The following SLC13A1 variants were observed in gnomAD, a reference collection of about 807,000 sequenced individuals.
SLC13A1 encodes Na(+)/sulfate cotransporter.
Under a neutral mutation model 70.0 loss-of-function variants are expected in SLC13A1, and 65 were observed. The ratio of observed to expected loss-of-function variants is 0.93; its 90% CI spans 0.76 to 1.14. The LOEUF (loss-of-function observed/expected upper bound fraction) is 1.14. Ranked by LOEUF, SLC13A1 falls within the 50% of genes most tolerant of loss-of-function variation. The pLI is 0.00. For synonymous variants in SLC13A1, 275 were observed against 250.5 expected (o/e 1.10, Z -0.92); for missense variants, 726 against 717.8 (o/e 1.01, Z -0.13).
At chr7:123,126,069 C>A (rs80094166) in intron 10 of SLC13A1, among the ~76,000 whole-genome samples, 2,817 of 152,090 alleles carry the variant, frequency 0.019, 46 homozygotes, top group Non-Finnish European at 0.031. Flanking sequence ...CATGGAAAGC[C>A]CCATATAATT....
At chr7:123,153,014 A>C (rs966624229) in intron 6 of SLC13A1, among the ~76,000 whole-genome samples, 6 of 152,112 alleles carry the variant, frequency 3.9e-5, no homozygotes, top group Admixed American at 2.0e-4. Flanking sequence ...ATGGAAACTT[A>C]AAATATGCAA....
chr7:123,195,873 C>A, intron 1 of SLC13A1, among the ~76,000 whole-genome samples: 1 of 152,048 alleles, frequency 6.6e-6, no homozygotes, highest in East Asian at 1.9e-4. Flanking sequence ...AATAAGTAAG[C>A]TAGATAGAAT....
At chr7:123,161,053 A>G (rs997673281) in intron 6 of SLC13A1, among the ~76,000 whole-genome samples, 4 of 151,810 alleles carry the variant, frequency 2.6e-5, no homozygotes, top group African/African-American at 7.2e-5. Context: ...GTAATAAAGA[A>G]AACTATTAAA....
chr7:123,175,442 G>A (rs757409733), intron 2 of SLC13A1, among the ~76,000 whole-genome samples: 2 of 152,210 alleles, frequency 1.3e-5, no homozygotes, highest in Non-Finnish European at 2.9e-5. Flanking sequence ...TGGTCTAAAC[G>A]TTGGTGTCCC....
chr7:123,170,622 T>TTTTTTTTG (rs143459546), intron 3 of SLC13A1, among the ~76,000 whole-genome samples: 2,331 of 150,958 alleles, frequency 0.015, 18 homozygotes, highest in Non-Finnish European at 0.024. Context: ...TTTTGGTTTT[T>TTTTTTTTG]TTTGTTTGTT....
chr7:123,177,072 G>A (rs1585384198), intron 2 of SLC13A1, among the ~76,000 whole-genome samples: 1 of 152,020 alleles, frequency 6.6e-6, no homozygotes, highest in Non-Finnish European at 1.5e-5. Flanking sequence ...ATGTCTAATA[G>A]GTATTTCAAA....
rs1793138961 is a variant in SLC13A1 at position 123,115,230 on chromosome 7, G to T, written c.*288C>A. Reference sequence around the variant, plus strand: ...AACAAATGCTCTAATCTCTTTGAAGGTCAAGTTATAAATTATTCTTATGAT... The same window carrying T: ...AACAAATGCTCTAATCTCTTTGAAGTTCAAGTTATAAATTATTCTTATGAT... On this transcript the variant is annotated 3_prime_UTR_variant, in exon 15 of 15. Coordinates refer to ENST00000194130, the MANE Select transcript of SLC13A1 (RefSeq NM_022444.4). 1 of 211,846 alleles carries T rather than the reference G, an allele frequency of 4.7e-6. No homozygotes were observed. The highest frequency in any genetic ancestry group is 9.4e-6 in the Non-Finnish European group (1 of 106,604). The allele number at this position is 211,846 out of a possible 1,614,324, so 13.1% of individuals were successfully genotyped here. A position where few individuals can be genotyped will look rare whatever the true frequency, so the allele number is the denominator to read the frequency against.
intron 12 of SLC13A1, among the ~76,000 whole-genome samples, chr7:123,122,682 T>G (rs766881344): frequency 2.0e-5 from 3 of 152,134 alleles, no homozygotes; most frequent in African/African-American, 4.8e-5. Flanking sequence ...CTAATATTAT[T>G]TCTCATTCTC....
rs147067034 is a variant in SLC13A1 at position 123,166,488 on chromosome 7, A to C, written c.660+1886T>G. Among the ~76,000 whole-genome samples, 327 of 151,994 alleles carry C rather than the reference A, an allele frequency of 2.2e-3. 1 individual carries two copies. Among genetic ancestry groups the C allele is most frequent in the East Asian group, 4.5e-3 (23 of 5,148 alleles). On this transcript the variant is annotated intron_variant, in intron 6 of 14. Coordinates refer to ENST00000194130, the MANE Select transcript of SLC13A1 (RefSeq NM_022444.4). ...ATACATGTGCCATGTTGGTGTGCTG[A>C]ACCCAGTAACTTGTCATTTAACATT...
chr7:123,140,247 A>G (rs1487125518), intron 7 of SLC13A1, among the ~76,000 whole-genome samples: 1 of 151,932 alleles, frequency 6.6e-6, no homozygotes, highest in Non-Finnish European at 1.5e-5. Flanking sequence ...ATTTATTTGC[A>G]TATGTTGACA....
chr7:123,168,896 G>T (rs1795161450), intron 4 of SLC13A1, among the ~76,000 whole-genome samples: 1 of 152,164 alleles, frequency 6.6e-6, no homozygotes, highest in African/African-American at 2.4e-5. Context: ...AGACATGAGA[G>T]AGTGTTCCAT....
At position 123,128,854 on chromosome 7, in the gene SLC13A1, A is replaced by T. The variant is rs1373519953; in HGVS notation, c.1124T>A (p.Leu375His). Residue 375 changes from leucine to histidine, a missense_variant, in exon 10 of 15, where the codon CTT (leucine) becomes CAT (histidine). Transcript: ENST00000194130. ...AACGTGCAAAGCTTACTCTGAAAAA[A>T]GTGCAGACCAACCAGGAACAAATCC... ...DPGFVPGWSALFSEYPGFATD... is the reference protein window; with the variant it reads ...DPGFVPGWSAHFSEYPGFATD... 6.2e-7 allele frequency: 1 copy of T among 1,611,974 alleles called. No individual in the cohort carries two copies. The highest frequency in any genetic ancestry group is 1.1e-5 in the South Asian group (1 of 90,996).
intron 6 of SLC13A1, among the ~76,000 whole-genome samples, chr7:123,150,111 T>A (rs1357363524): frequency 6.6e-6 from 1 of 152,164 alleles, no homozygotes; most frequent in South Asian, 2.1e-4. Flanking sequence ...GCTGTAATGA[T>A]GTTGCTCCTC....
chr7:123,159,435 T>C (rs1794813719), intron 6 of SLC13A1, among the ~76,000 whole-genome samples: 2 of 152,264 alleles, frequency 1.3e-5, no homozygotes, highest in South Asian at 2.1e-4. Flanking sequence ...GAGGATGCAA[T>C]GAGAAGGTAG....
chr7:123,184,551 T>C (rs1585398455), intron 1 of SLC13A1, among the ~76,000 whole-genome samples: 1 of 152,082 alleles, frequency 6.6e-6, no homozygotes, highest in African/African-American at 2.4e-5. Flanking sequence ...ACATATATCC[T>C]TCAGGTTCAT....
intron 2 of SLC13A1, among the ~76,000 whole-genome samples, chr7:123,172,410 C>T (rs943027237): frequency 6.6e-6 from 1 of 152,208 alleles, no homozygotes; most frequent in African/African-American, 2.4e-5. Flanking sequence ...CACTTGAGGT[C>T]AGGAGTTCGA....
chr7:123,123,262 A>T (rs1216948125), intron 11 of SLC13A1, 27 bp from the exon 12 acceptor site: 1 of 1,366,626 alleles, frequency 7.3e-7, no homozygotes, highest in African/African-American at 1.4e-5. Context: ...CTACAGTTAC[A>T]CATTGCTTAA....
intron 10 of SLC13A1, among the ~76,000 whole-genome samples, chr7:123,128,545 T>G (rs1159585586): frequency 2.6e-5 from 4 of 152,132 alleles, no homozygotes; most frequent in Admixed American, 2.6e-4. Flanking sequence ...TTTGTGCTGT[T>G]ATATTTCAGG....
At position 123,168,374 on chromosome 7, in the gene SLC13A1, CT is replaced by C; in HGVS notation, c.659del (p.Lys220ArgfsTer5). On this transcript the variant is annotated frameshift_variant and splice_region_variant, in exon 6 of 15. Transcript: ENST00000194130. LOFTEE classifies it high-confidence loss of function. Reference protein sequence around the residue: ...GKISSKVELEKNSGMRTKYRT... With the variant: ...GKISSKVELEXNSGMRTKYRT... ...TTTAGAAAGAATCAAATTTATGTAC[CT>C]TTTCCAACTCCACCTTGCTTGAAAT... 1 of 1,564,442 alleles carries C rather than the reference CT, an allele frequency of 6.4e-7. No individual in the cohort carries two copies. Among genetic ancestry groups the C allele is most frequent in the Non-Finnish European group, 8.8e-7 (1 of 1,141,690 alleles).
Sources: allele counts gnomAD v4.1 joint callset (sites outside exome capture counted in the v4.1 genomes callset), GRCh38; gene constraint gnomAD v4.1.1; transcripts MANE v1.5; gene names NCBI Gene and HGNC (gene_info 2026-07-23, HGNC 2026-07-21).